HSF2BP: variants seen among roughly 807,000 people sequenced by gnomAD.
The protein encoded by HSF2BP is heat shock transcription factor 2 binding protein.
HSF2BP carries 35 observed loss-of-function variants against 35.0 expected under a neutral mutation model. The ratio of observed to expected loss-of-function variants is 1.00; its 90% CI spans 0.76 to 1.32. HSF2BP has a LOEUF of 1.32. HSF2BP is among the 40% of genes most tolerant of loss of function. HSF2BP has a pLI of 0.00. For synonymous variants in HSF2BP, 114 were observed against 117.4 expected, an observed-to-expected ratio of 0.97 and a Z score of 0.18; for missense variants, 326 against 321.7, an observed-to-expected ratio of 1.01 and a Z score of -0.10.
At chr21:43,620,200 A>G (rs1391914480) in intron 6 of HSF2BP, among the ~76,000 whole-genome samples, 1 of 152,240 alleles carries the variant, frequency 6.6e-6, no homozygotes, top group African/African-American at 2.4e-5. Context: ...TATCCATAAG[A>G]AACAACAGGA....
intron 7 of HSF2BP, among the ~76,000 whole-genome samples, chr21:43,596,801 T>C (rs972203686): frequency 2.6e-5 from 4 of 151,660 alleles, no homozygotes; most frequent in Non-Finnish European, 4.4e-5. Context: ...AGAGACTTAC[T>C]TGAGCCCAGG....
At chr21:43,640,070 G>T (rs1011290818) in intron 4 of HSF2BP, among the ~76,000 whole-genome samples, 2 of 152,200 alleles carry the variant, frequency 1.3e-5, no homozygotes, top group African/African-American at 4.8e-5. Context: ...GGGAGGACAA[G>T]GCCAAAGGAT....
intron 7 of HSF2BP, among the ~76,000 whole-genome samples, chr21:43,608,169 T>G (rs1472529483): frequency 2.7e-5 from 4 of 150,612 alleles, no homozygotes; most frequent in Admixed American, 6.6e-5. Flanking sequence ...ACCTACAGAA[T>G]GGGAGAAAAT....
intron 2 of HSF2BP, 42 bp downstream of exon 2, chr21:43,658,019 C>T: frequency 6.5e-7 from 1 of 1,535,046 alleles, no homozygotes; most frequent in Non-Finnish European, 8.7e-7. Flanking sequence ...CGAATGGCGA[C>T]GGTTCAAACA....
intron 3 of HSF2BP, among the ~76,000 whole-genome samples, chr21:43,650,521 T>TA (rs988209228): frequency 6.6e-6 from 1 of 151,876 alleles, no homozygotes; most frequent in Non-Finnish European, 1.5e-5. Context: ...ATTTTATTTA[T>TA]AAAAAATAGG....
rs114302271 is a variant in HSF2BP at position 43,597,108 on chromosome 21, T to C, written c.693-4780A>G. Among the ~76,000 whole-genome samples the C allele has an allele frequency of 0.03, 4,504 of 152,062 alleles. 241 individuals carry two copies. Among genetic ancestry groups the C allele is most frequent in the African/African-American group, 0.1 (4,288 of 41,428 alleles). ...GAACAAGGGAGCACTAAAATGTGCA[T>C]GAAAACCCTCCAAGGTCCTGGCCTC... On this transcript the variant is annotated intron_variant, in intron 7 of 8. Transcript: ENST00000291560. This position sits in a 1 kb window ranked among gnomAD's most constrained non-coding sequence, Gnocchi z 4.3.
Position 43,635,870 on chromosome 21 carries a change from A to C in HSF2BP, c.292-2449T>G, listed in dbSNP as rs149374294. 3.8e-3 allele frequency among the ~76,000 whole-genome samples: 565 copies of C among 148,440 alleles called. 3 individuals carry two copies. The highest frequency in any genetic ancestry group is 0.013 in the African/African-American group (518 of 40,062). ...CTTGAACCCAGGAGGGGGCGACTGC[A>C]GTGAGCCGAGATCGTGCCACTGCAC... On this transcript the variant is annotated intron_variant, in intron 4 of 8. Transcript: ENST00000291560.
Position 43,644,277 on chromosome 21 carries a change from T to C in HSF2BP, c.291+12A>G. 1.9e-6 allele frequency: 3 copies of C among 1,606,718 alleles called. No individual in the cohort carries two copies. Among genetic ancestry groups the C allele is most frequent in the South Asian group, 1.1e-5 (1 of 90,934 alleles). The stretch of plus-strand genomic sequence containing the variant: ...TTCTGGCTTGGTGAGAGTCTGTCCC[T>C]GAGCATGGTACCTTCTTCTCTCTTA... On this transcript the variant is annotated intron_variant, in intron 4 of 8. Transcript: ENST00000291560.
intron 7 of HSF2BP, among the ~76,000 whole-genome samples, chr21:43,600,698 T>C (rs1261567884): frequency 6.6e-6 from 1 of 152,184 alleles, no homozygotes; most frequent in Non-Finnish European, 1.5e-5. Flanking sequence ...ATCTATTATG[T>C]TACAATGAAG....
intron 3 of HSF2BP, among the ~76,000 whole-genome samples, chr21:43,648,197 G>A (rs1473083679): frequency 1.3e-5 from 2 of 151,946 alleles, no homozygotes; most frequent in African/African-American, 4.8e-5. Context: ...TCTCCACCCT[G>A]ATCTGTGCCC....
At chr21:43,596,012 G>A (rs1231218283) in intron 7 of HSF2BP, among the ~76,000 whole-genome samples, 1 of 151,796 alleles carries the variant, frequency 6.6e-6, no homozygotes, top group Non-Finnish European at 1.5e-5. Context: ...GAGCCACCAC[G>A]CCCGGCAAGG....
At chr21:43,577,636 T>G (rs1170161950) in intron 8 of HSF2BP, among the ~76,000 whole-genome samples, 1 of 152,222 alleles carries the variant, frequency 6.6e-6, no homozygotes, top group African/African-American at 2.4e-5. Flanking sequence ...TCAGGTCATG[T>G]GCCCACCTCT....
intron 8 of HSF2BP, among the ~76,000 whole-genome samples, chr21:43,574,578 C>T (rs1402059801): frequency 1.3e-5 from 2 of 152,148 alleles, no homozygotes; most frequent in Admixed American, 6.5e-5. Flanking sequence ...AGGATGGTCT[C>T]GATCTCCTGA....
the HSF2BP span, among the ~76,000 whole-genome samples, chr21:43,467,948 A>ACT: frequency 1.1e-5 from 1 of 91,714 alleles, no homozygotes; most frequent in Admixed American, 1.1e-4. Context: ...CACACACCAC[A>ACT]CACACCACAC....
intron 3 of HSF2BP, among the ~76,000 whole-genome samples, chr21:43,654,312 A>AC (rs1428575294): frequency 6.6e-6 from 1 of 152,036 alleles, no homozygotes; most frequent in African/African-American, 2.4e-5. Context: ...ACAGAAAAGA[A>AC]CCCTATTTCC....
chr21:43,596,085 C>T (rs1377631785), intron 7 of HSF2BP, among the ~76,000 whole-genome samples: 1 of 151,804 alleles, frequency 6.6e-6, no homozygotes, highest in Non-Finnish European at 1.5e-5. Context: ...CTTGTATGTA[C>T]CTAATAATAT....
intron 2 of HSF2BP, 145 bp from the exon 3 acceptor site, chr21:43,656,882 T>C (rs779972836): frequency 4.6e-6 from 3 of 655,116 alleles, no homozygotes; most frequent in Non-Finnish European, 7.8e-6. Flanking sequence ...CTGCTATAGA[T>C]ATATTTTATG....
At chr21:43,574,839 CG>C (rs929919193) in intron 8 of HSF2BP, among the ~76,000 whole-genome samples, 1 of 152,136 alleles carries the variant, frequency 6.6e-6, no homozygotes, top group Non-Finnish European at 1.5e-5. Flanking sequence ...CTCCTTGGGA[CG>C]GGGGTGCCGT....
intron 6 of HSF2BP, among the ~76,000 whole-genome samples, chr21:43,623,191 A>G (rs190363934): frequency 2.5e-4 from 38 of 152,320 alleles, no homozygotes; most frequent in African/African-American, 8.7e-4. Context: ...TGGAAATTAA[A>G]CAACATACAC....
Sources: allele counts gnomAD v4.1 joint callset (sites outside exome capture counted in the v4.1 genomes callset), GRCh38; gene constraint gnomAD v4.1.1; non-coding constraint Gnocchi (gnomAD v3.1); transcripts MANE v1.5; gene names NCBI Gene and HGNC (gene_info 2026-07-23, HGNC 2026-07-21).